Variants in FAM135A observed in about 807,000 individuals in gnomAD.
The protein encoded by FAM135A is family with sequence similarity 135 member A.
In FAM135A, 79 loss-of-function variants were observed where a neutral mutation model predicts 146.8. That is an observed-to-expected ratio of 0.54 (90% CI 0.45 to 0.65). FAM135A has a LOEUF of 0.65. Among genes scored for constraint, FAM135A ranks in the 30% least tolerant of loss-of-function variants. The probability of loss-of-function intolerance (pLI) is 0.00; values close to 1 mark genes in which losing one functional copy is unlikely to be tolerated. For synonymous variants in FAM135A, 562 were observed against 603.6 expected (o/e 0.93, Z 1.01); for missense variants, 1,623 against 1,758.2 (o/e 0.92, Z 1.38).
intron 7 of FAM135A, among the ~76,000 whole-genome samples, chr6:70,476,070 G>T (rs79761262): frequency 0.011 from 1,705 of 152,208 alleles, 63 homozygotes; most frequent in East Asian, 0.078. Context: ...TTTCTTGATG[G>T]CATCAGTTAT....
At position 70,536,521 on chromosome 6, in the gene FAM135A, C is replaced by T. The variant is rs1027230539; in HGVS notation, c.4117+110C>T. 27 of 883,928 alleles carry T rather than the reference C, an allele frequency of 3.1e-5. No homozygotes were observed. The East Asian group carries it at 5.6e-4, about 18-fold the overall frequency. 54.8% of individuals were successfully genotyped at this position (883,928 alleles called of 1,614,324 possible). On this transcript the variant is annotated intron_variant, in intron 19 of 21. Coordinates refer to ENST00000418814, the MANE Select transcript of FAM135A (RefSeq NM_001162529.3). ...CCAGTTTGTCACATACTGGAAATTT[C>T]GTGAAATAAAAAATGTAGCTAATTT...
chr6:70,556,681 TATG>T lies in FAM135A; in HGVS notation c.4229-66_4229-64del, dbSNP rs113383341. ...GGAAATTTATTTTTTGGTCACTTAA[TATG>T]ATACTAATAACTTGTTTAAAATCTA... On this transcript the variant is annotated intron_variant, in intron 20 of 21. Transcript: ENST00000418814. 6,304 of 1,045,480 alleles carry T rather than the reference TATG, an allele frequency of 6.0e-3. 276 individuals carry two copies. In the African/African-American group the frequency reaches 0.092, roughly 15 times the overall value. The allele number at this position is 1,045,480 out of a possible 1,614,324, so 64.8% of individuals were successfully genotyped here.
At chr6:70,509,935 C>T (rs534786483) in intron 12 of FAM135A, among the ~76,000 whole-genome samples, 7 of 152,004 alleles carry the variant, frequency 4.6e-5, no homozygotes, top group East Asian at 1.9e-4. Flanking sequence ...TTTATTATGA[C>T]GCTGGTTTGC....
At chr6:70,437,087 A>C (rs899183174) in intron 4 of FAM135A, among the ~76,000 whole-genome samples, 1 of 152,156 alleles carries the variant, frequency 6.6e-6, no homozygotes, top group Non-Finnish European at 1.5e-5. Context: ...TATATATAAT[A>C]CTGTGTTTCT....
intron 5 of FAM135A, among the ~76,000 whole-genome samples, chr6:70,459,494 A>G (rs72917949): frequency 0.024 from 3,662 of 152,258 alleles, 70 homozygotes; most frequent in Non-Finnish European, 0.039. Context: ...AACTGTTGAA[A>G]ATTGATTGGT....
chr6:70,540,235 A>G (rs1164512322), intron 20 of FAM135A, among the ~76,000 whole-genome samples: 1 of 149,930 alleles, frequency 6.7e-6, no homozygotes, highest in African/African-American at 2.5e-5. Flanking sequence ...CCAACGTTCC[A>G]TTCTGTTACT....
At chr6:70,529,566 G>T (rs1324415591) in intron 16 of FAM135A, among the ~76,000 whole-genome samples, 3 of 151,804 alleles carry the variant, frequency 2.0e-5, no homozygotes, top group Non-Finnish European at 4.4e-5. Flanking sequence ...CCCAGAATCT[G>T]CCAGAATCTC....
At chr6:70,497,565 G>T (rs190156801) in intron 11 of FAM135A, among the ~76,000 whole-genome samples, 2 of 152,256 alleles carry the variant, frequency 1.3e-5, no homozygotes, top group East Asian at 3.9e-4. Flanking sequence ...GGGCATCCTT[G>T]TCTTGTGCCA....
At chr6:70,493,176 A>G (rs1019932490) in intron 11 of FAM135A, among the ~76,000 whole-genome samples, 1 of 152,094 alleles carries the variant, frequency 6.6e-6, no homozygotes, top group Non-Finnish European at 1.5e-5. Flanking sequence ...AAAACTCTTC[A>G]AGATATATTA....
At chr6:70,473,360 G>A (rs1046621166) in intron 5 of FAM135A, among the ~76,000 whole-genome samples, 4 of 152,098 alleles carry the variant, frequency 2.6e-5, no homozygotes, top group Admixed American at 2.0e-4. Context: ...CCATTTGAGT[G>A]GACAAAGATA....
At chr6:70,526,809 A>G in intron 15 of FAM135A, 111 bp downstream of exon 15, 3 of 844,690 alleles carry the variant, frequency 3.6e-6, no homozygotes, top group Admixed American at 6.7e-5. Context: ...ACACATATAT[A>G]TATAAAATCA....
intron 4 of FAM135A, among the ~76,000 whole-genome samples, chr6:70,439,989 ATAAT>A (rs1562421666): frequency 6.6e-6 from 1 of 152,216 alleles, no homozygotes; most frequent in Non-Finnish European, 1.5e-5. Context: ...AATGTTTAAA[ATAAT>A]TCCTTGATAT....
At chr6:70,537,933 TTAC>T (rs1403495696) in intron 19 of FAM135A, among the ~76,000 whole-genome samples, 4 of 151,934 alleles carry the variant, frequency 2.6e-5, no homozygotes, top group South Asian at 2.1e-4. Context: ...GGCATTTGAC[TTAC>T]TACTGTATTT....
In FAM135A at chr6:70,482,147, A is replaced by G; in HGVS notation, c.816A>G (p.Leu272=). Residue 272 remains leucine, a synonymous_variant, in exon 10 of 22, where the codon CTA becomes CTG. Transcript: ENST00000418814. ...VTEEIPSCQK[L]ELEEMDVEAR... ...AAGAGATTCCTTCTTGTCAGAAACT[A>G]GAACTGGGTATGTTAAAAGTAGCGA... 2 of 1,613,368 alleles carry G rather than the reference A, an allele frequency of 1.2e-6. No homozygotes were observed. Among genetic ancestry groups the G allele is most frequent in the Non-Finnish European group, 1.7e-6 (2 of 1,179,646 alleles).
chr6:70,542,248 G>GCACACACACACACACACACACACA (rs112638092), intron 20 of FAM135A, among the ~76,000 whole-genome samples: 26 of 141,954 alleles, frequency 1.8e-4, no homozygotes, highest in African/African-American at 6.6e-4. Context: ...TTTTTATCCT[G>GCACACACACACACACACACACACA]CACACACACA....
At chr6:70,455,562 C>G (rs1778160939) in intron 5 of FAM135A, among the ~76,000 whole-genome samples, 1 of 152,084 alleles carries the variant, frequency 6.6e-6, no homozygotes, top group Admixed American at 6.5e-5. Flanking sequence ...AGTCTACTTT[C>G]ACGAAACATA....
intron 11 of FAM135A, among the ~76,000 whole-genome samples, chr6:70,498,277 A>G (rs1176828395): frequency 6.6e-6 from 1 of 152,196 alleles, no homozygotes; most frequent in Non-Finnish European, 1.5e-5. Flanking sequence ...TGTTGATAGT[A>G]TTCTCTGATG....
At chr6:70,425,825 C>T (rs1012586530) in intron 2 of FAM135A, among the ~76,000 whole-genome samples, 13 of 152,212 alleles carry the variant, frequency 8.5e-5, no homozygotes, top group Admixed American at 5.9e-4. Flanking sequence ...AGCTTAGGGC[C>T]GGGCGCGGTG....
rs1302592290 is a variant in FAM135A, at chr6:70,525,173, G to T, written c.2089G>T (p.Glu697Ter). 6.3e-7 allele frequency: 1 copy of T among 1,588,100 alleles called. No individual in the cohort carries two copies. The highest frequency in any genetic ancestry group is 1.4e-5 in the African/African-American group (1 of 73,402). ...TGTGGATAATTTACTACCCAACTTTGAGTCCTTAGAATCTAATGGTAAATC... is the reference window on the plus strand; with the variant it reads ...TGTGGATAATTTACTACCCAACTTTTAGTCCTTAGAATCTAATGGTAAATC... ...ILVDNLLPNF[E>*]SLESNGKSKS... Residue 697 changes from glutamate (E) to a stop codon, truncating the protein, a stop_gained, in exon 15 of 22, where the codon GAG (glutamate) becomes TAG (stop). Coordinates refer to ENST00000418814, the MANE Select transcript of FAM135A (RefSeq NM_001162529.3). LOFTEE classifies it high-confidence loss of function.
Sources: gnomAD v4.1 joint callset for allele counts (sites outside exome capture counted in the v4.1 genomes callset) on GRCh38, gnomAD v4.1.1 for gene constraint, MANE v1.5 for transcripts, NCBI Gene and HGNC (gene_info 2026-07-23, HGNC 2026-07-21) for gene names.